PTPRZ1: variants seen among roughly 807,000 people sequenced by gnomAD.
PTPRZ1 encodes receptor-type tyrosine-protein phosphatase zeta.
Under a neutral mutation model 214.1 loss-of-function variants are expected in PTPRZ1, and 82 were observed. The observed-to-expected ratio is 0.38, with a 90% CI of 0.32 to 0.46. The LOEUF (loss-of-function observed/expected upper bound fraction) is 0.46, where lower values mean the gene tolerates loss of function less well. PTPRZ1 is among the 20% of genes least tolerant of loss of function. The pLI is 1.00. For missense variants in PTPRZ1, 2,603 were observed against 2,748.7 expected, an observed-to-expected ratio of 0.95 and a Z score of 1.19; for synonymous variants, 945 against 987.9, an observed-to-expected ratio of 0.96 and a Z score of 0.81.
Position 122,061,214 on chromosome 7 carries a change from A to C in PTPRZ1, c.6942A>C (p.Leu2314Phe). 6.3e-7 allele frequency: 1 copy of C among 1,590,278 alleles called. No individual in the cohort carries two copies. The highest frequency in any genetic ancestry group is 8.6e-7 in the Non-Finnish European group (1 of 1,166,350). The change falls in exon 30 of 30, where the codon TTA (leucine) becomes TTC (phenylalanine). Residue 2314 changes from leucine (L) to phenylalanine (F), a missense_variant. Leu to Phe is a conservative substitution (Grantham distance 22, BLOSUM62 0). This residue lies in a region of PTPRZ1 where 165 missense variants were observed against 151.4 expected (regional missense o/e 1.09). Coordinates refer to ENST00000393386, the MANE Select transcript of PTPRZ1 (RefSeq NM_002851.3). The stretch of plus-strand genomic sequence containing the variant: ...ATATAGCTGAGAGCTTAGAGTCTTT[A>C]GTTTAACACAGAAAGGGGTGGGGGA... Reference protein sequence around the residue: ...DGNIAESLESLV With the variant: ...DGNIAESLESFV
At chr7:121,893,406 C>T (rs1794697269) in intron 1 of PTPRZ1, among the ~76,000 whole-genome samples, 1 of 152,256 alleles carries the variant, frequency 6.6e-6, no homozygotes, top group Non-Finnish European at 1.5e-5. Flanking sequence ...TCTTGCTCCA[C>T]TGTCTTGGAA....
At chr7:122,029,803 G>C (rs1799321608) in intron 14 of PTPRZ1, among the ~76,000 whole-genome samples, 1 of 151,016 alleles carries the variant, frequency 6.6e-6, no homozygotes, top group Non-Finnish European at 1.5e-5. Flanking sequence ...TTTTCTTTTT[G>C]TGCCTTATAA....
At chr7:122,020,110 A>T (rs369672007) in intron 13 of PTPRZ1, among the ~76,000 whole-genome samples, 1 of 152,194 alleles carries the variant, frequency 6.6e-6, no homozygotes, top group African/African-American at 2.4e-5. Flanking sequence ...GTTTAGCAAC[A>T]TCATTCTGTA....
At chr7:121,948,142 A>G (rs955981683) in intron 2 of PTPRZ1, among the ~76,000 whole-genome samples, 4 of 152,324 alleles carry the variant, frequency 2.6e-5, no homozygotes, top group African/African-American at 7.2e-5. Context: ...TCACTAATTT[A>G]TTCATTCAAT....
intron 1 of PTPRZ1, among the ~76,000 whole-genome samples, chr7:121,902,778 C>T (rs1795005535): frequency 6.6e-6 from 1 of 151,798 alleles, no homozygotes; most frequent in South Asian, 2.1e-4. Context: ...TATTACAATC[C>T]AGTGTCAAGA....
chr7:121,940,960 C>G (rs1796223763), intron 2 of PTPRZ1, among the ~76,000 whole-genome samples: 2 of 152,196 alleles, frequency 1.3e-5, no homozygotes, highest in Admixed American at 1.3e-4. Context: ...ATAATCCTGC[C>G]TGAATAGCAG....
intron 1 of PTPRZ1, among the ~76,000 whole-genome samples, chr7:121,875,608 A>G (rs1024016496): frequency 6.6e-6 from 1 of 152,228 alleles, no homozygotes; most frequent in Non-Finnish European, 1.5e-5. Context: ...TACTGAATGT[A>G]AGCTTGCATT....
At chr7:121,970,161 A>G (rs1483780974) in intron 3 of PTPRZ1, among the ~76,000 whole-genome samples, 1 of 152,020 alleles carries the variant, frequency 6.6e-6, no homozygotes, top group Non-Finnish European at 1.5e-5. Context: ...ATAGTATTCC[A>G]TGGTGTATGT....
intron 21 of PTPRZ1, 74 bp from the exon 22 acceptor site, chr7:122,042,534 A>G (rs1799763117): frequency 7.1e-7 from 1 of 1,407,356 alleles, no homozygotes; most frequent in South Asian, 1.4e-5. Context: ...CAACATGACA[A>G]CCAGTAGTGA....
chr7:121,979,739 G>A (rs1343002044), intron 6 of PTPRZ1, among the ~76,000 whole-genome samples: 3 of 152,226 alleles, frequency 2.0e-5, no homozygotes, highest in Non-Finnish European at 2.9e-5. Flanking sequence ...AAATAGAGCA[G>A]CACTGGCTCT....
intron 28 of PTPRZ1, among the ~76,000 whole-genome samples, chr7:122,059,209 G>A (rs571045310): frequency 3.3e-5 from 5 of 151,916 alleles, no homozygotes; most frequent in South Asian, 2.1e-4. Context: ...ATACTAAGTC[G>A]GTGTTTTAGC....
intron 2 of PTPRZ1, among the ~76,000 whole-genome samples, chr7:121,934,433 A>G (rs1796012022): frequency 1.5e-5 from 2 of 136,344 alleles, no homozygotes; most frequent in South Asian, 4.9e-4. Flanking sequence ...GCTTGCAGTG[A>G]GCCGAGATCG....
At chr7:121,935,491 G>T (rs1227105131) in intron 2 of PTPRZ1, among the ~76,000 whole-genome samples, 2 of 151,948 alleles carry the variant, frequency 1.3e-5, no homozygotes, top group Non-Finnish European at 2.9e-5. Flanking sequence ...AATCTCTGTG[G>T]TTTTTGTTTG....
At chr7:122,044,297 C>T (rs957368422) in intron 22 of PTPRZ1, 125 bp from the exon 23 acceptor site, 4 of 1,116,550 alleles carry the variant, frequency 3.6e-6, no homozygotes, top group Admixed American at 4.4e-5. Context: ...TGTAAGCAAT[C>T]TTGTGTGGGT....
At chr7:121,926,178 G>T (rs1206503) in intron 1 of PTPRZ1, among the ~76,000 whole-genome samples, 3,819 of 151,252 alleles carry the variant, frequency 0.025, 105 homozygotes, top group African/African-American at 0.067. Flanking sequence ...GGTGGCATGC[G>T]CCTGTAATCG....
At chr7:122,038,096 C>T (rs1318833204) in intron 18 of PTPRZ1, among the ~76,000 whole-genome samples, 1 of 152,142 alleles carries the variant, frequency 6.6e-6, no homozygotes, top group Non-Finnish European at 1.5e-5. Context: ...TGAGAACTCA[C>T]TCACTCTCAC....
chr7:121,940,798 TGCC>T (rs1166219504), intron 2 of PTPRZ1, among the ~76,000 whole-genome samples: 1 of 151,448 alleles, frequency 6.6e-6, no homozygotes, highest in Non-Finnish European at 1.5e-5. Flanking sequence ...CCCCATCACC[TGCC>T]AAATGAAAAA....
At chr7:121,916,971 T>C (rs970031025) in intron 1 of PTPRZ1, among the ~76,000 whole-genome samples, 7 of 152,024 alleles carry the variant, frequency 4.6e-5, no homozygotes, top group African/African-American at 1.7e-4. Context: ...AGGCAAAGAG[T>C]AGAGGCATGA....
intron 1 of PTPRZ1, among the ~76,000 whole-genome samples, chr7:121,894,208 C>A (rs1205211589): frequency 6.6e-6 from 1 of 152,130 alleles, no homozygotes; most frequent in Non-Finnish European, 1.5e-5. Context: ...TACGGAAGGA[C>A]CCCTTTGCCA....
Sources: gnomAD v4.1 joint callset for allele counts (sites outside exome capture counted in the v4.1 genomes callset) on GRCh38, gnomAD v4.1.1 for gene constraint, gnomAD v4.1.1 regional missense constraint, MANE v1.5 for transcripts, NCBI Gene and HGNC (gene_info 2026-07-23, HGNC 2026-07-21) for gene names.